Variants in NDST3 observed in about 807,000 individuals in gnomAD.
NDST3 encodes the protein N-deacetylase and N-sulfotransferase 3, also known as bifunctional heparan sulfate N-deacetylase/N-sulfotransferase 3.
Under a neutral mutation model 96.1 loss-of-function variants are expected in NDST3, and 58 were observed. That is an observed-to-expected ratio of 0.60 (90% CI 0.49 to 0.75). The LOEUF is 0.75. Among genes scored for constraint, NDST3 ranks in the 30% least tolerant of loss-of-function variants. The pLI, the probability that NDST3 is intolerant of heterozygous loss-of-function variation, is 0.00. For synonymous variants in NDST3, 333 were observed against 359.7 expected, an observed-to-expected ratio of 0.93 and a Z score of 0.84; for missense variants, 788 against 1,034.2, an observed-to-expected ratio of 0.76 and a Z score of 3.27.
chr4:118,134,500 A>G (rs1732911595), intron 4 of NDST3, among the ~76,000 whole-genome samples: 1 of 152,220 alleles, frequency 6.6e-6, no homozygotes, highest in Non-Finnish European at 1.5e-5. Flanking sequence ...GGTGATGATA[A>G]TGATAGAATT....
intron 2 of NDST3, among the ~76,000 whole-genome samples, chr4:118,060,283 T>A (rs771969468): frequency 6.6e-6 from 1 of 152,152 alleles, no homozygotes; most frequent in Non-Finnish European, 1.5e-5. Context: ...GAAATTGTAT[T>A]TTAATATGTT....
intron 6 of NDST3, among the ~76,000 whole-genome samples, chr4:118,191,805 G>A (rs1043423765): frequency 6.6e-6 from 1 of 152,190 alleles, no homozygotes; most frequent in Admixed American, 6.5e-5. Flanking sequence ...TAGTTTGATA[G>A]TAGGATTGCT....
chr4:118,251,668 A>G (rs1385861045), intron 12 of NDST3, among the ~76,000 whole-genome samples: 1 of 152,194 alleles, frequency 6.6e-6, no homozygotes, highest in Non-Finnish European at 1.5e-5. Flanking sequence ...ACTGATGCCA[A>G]CACCATACAA....
At chr4:118,199,290 G>A (rs1737910769) in intron 6 of NDST3, among the ~76,000 whole-genome samples, 1 of 152,086 alleles carries the variant, frequency 6.6e-6, no homozygotes, top group Non-Finnish European at 1.5e-5. Flanking sequence ...CAAATAGCCT[G>A]TTTTCAAGCT....
At chr4:118,124,972 C>T (rs1731922623) in intron 4 of NDST3, among the ~76,000 whole-genome samples, 1 of 152,040 alleles carries the variant, frequency 6.6e-6, no homozygotes, top group African/African-American at 2.4e-5. Context: ...GAGAGACTCA[C>T]CTAAACCTCA....
At chr4:118,078,725 G>C (rs1727780695) in intron 2 of NDST3, among the ~76,000 whole-genome samples, 1 of 142,554 alleles carries the variant, frequency 7.0e-6, no homozygotes, top group Admixed American at 7.4e-5. Context: ...CTCCAGCCTG[G>C]CCAACAGAGC....
chr4:118,126,175 T>C lies in NDST3; in HGVS notation c.1224+11215T>C, dbSNP rs144973337. ...TCAAATAATTATATAATTTTGACTATAATCATCCTGTTGTGCTATCAAATA... is the reference window on the plus strand; with the variant it reads ...TCAAATAATTATATAATTTTGACTACAATCATCCTGTTGTGCTATCAAATA... On this transcript the variant is annotated intron_variant, in intron 4 of 13. Transcript: ENST00000296499. Among the ~76,000 whole-genome samples the C allele has an allele frequency of 9.2e-5, 14 of 152,204 alleles. No individual in the cohort carries two copies. In the South Asian group the frequency reaches 1.2e-3, roughly 14 times the overall value.
intron 9 of NDST3, among the ~76,000 whole-genome samples, chr4:118,235,027 CA>C (rs796108780): frequency 1.2e-3 from 39 of 33,268 alleles, no homozygotes; most frequent in South Asian, 2.1e-3. Context: ...GAGACTCCAT[CA>C]AAAAAAAAAG....
At chr4:118,136,351 T>A (rs900503103) in intron 4 of NDST3, among the ~76,000 whole-genome samples, 6 of 152,234 alleles carry the variant, frequency 3.9e-5, no homozygotes, top group Non-Finnish European at 1.5e-5. Flanking sequence ...CATTTTTTAA[T>A]GTTTGTGATA....
At chr4:118,170,503 G>A (rs972452348) in intron 6 of NDST3, among the ~76,000 whole-genome samples, 12 of 152,176 alleles carry the variant, frequency 7.9e-5, no homozygotes, top group Non-Finnish European at 1.3e-4. Context: ...ACAGAGGTCG[G>A]CAGATCACGA....
intron 2 of NDST3, among the ~76,000 whole-genome samples, chr4:118,087,322 G>A (rs1728506118): frequency 6.6e-6 from 1 of 152,206 alleles, no homozygotes; most frequent in Admixed American, 6.5e-5. Flanking sequence ...CATCTCATTT[G>A]AGTTGGCTAC....
Position 118,066,439 on chromosome 4 carries a change from C to CATATATT in NDST3, c.981+11552_981+11553insATTATAT, listed in dbSNP as rs1726490525. ...ATGTTATATATTATATATCATATATCATATGTTATATATTATATATACATT... is the reference window on the plus strand; with the variant it reads ...ATGTTATATATTATATATCATATATCATATATTATATGTTATATATTATATATACATT... On this transcript the variant is annotated intron_variant, in intron 2 of 13. Transcript: ENST00000296499. Among the ~76,000 whole-genome samples, 2 of 1,272 alleles carry CATATATT rather than the reference C, an allele frequency of 1.6e-3. 1 individual carries two copies. Among genetic ancestry groups the CATATATT allele is most frequent in the Admixed American group, 0.11 (2 of 18 alleles). The allele number at this position is 1,272 out of a possible 152,430, so 0.8% of individuals were successfully genotyped here.
chr4:118,151,537 G>C (rs1323331488), intron 6 of NDST3, among the ~76,000 whole-genome samples: 1 of 152,048 alleles, frequency 6.6e-6, no homozygotes, highest in Non-Finnish European at 1.5e-5. Flanking sequence ...CTCTAGGATT[G>C]ACCTAGGGGC....
intron 6 of NDST3, among the ~76,000 whole-genome samples, chr4:118,169,793 C>CA (rs55684244): frequency 0.21 from 24,089 of 117,114 alleles, 2,234 homozygotes; most frequent in African/African-American, 0.25. Context: ...GACTCCATCT[C>CA]AAAAAAAAAA....
intron 12 of NDST3, among the ~76,000 whole-genome samples, chr4:118,251,361 C>T (rs557607316): frequency 2.6e-5 from 4 of 151,774 alleles, no homozygotes; most frequent in Non-Finnish European, 4.4e-5. Context: ...CTCCTGACCT[C>T]GTGATCCGCC....
chr4:118,133,300 G>A (rs1732788749), intron 4 of NDST3, among the ~76,000 whole-genome samples: 1 of 152,166 alleles, frequency 6.6e-6, no homozygotes, highest in African/African-American at 2.4e-5. Flanking sequence ...CCCTCCATGT[G>A]TGAGCAAAGC....
At chr4:118,048,150 T>C (rs1366467969) in intron 1 of NDST3, among the ~76,000 whole-genome samples, 1 of 152,132 alleles carries the variant, frequency 6.6e-6, no homozygotes, top group Non-Finnish European at 1.5e-5. Flanking sequence ...GAGAAACAGA[T>C]ATAAAATCCT....
Position 118,111,841 on chromosome 4 carries a change from T to G in NDST3, c.1070-2965T>G, listed in dbSNP as rs907949489. On this transcript the variant is annotated intron_variant, in intron 3 of 13. Coordinates refer to ENST00000296499, the MANE Select transcript of NDST3 (RefSeq NM_004784.3). ...AATATTTTAGTCACAGATTTCACTATGATATTCAGGAAAGGACAACAAATG... is the reference window on the plus strand; with the variant it reads ...AATATTTTAGTCACAGATTTCACTAGGATATTCAGGAAAGGACAACAAATG... 2.6e-5 allele frequency among the ~76,000 whole-genome samples: 4 copies of G among 151,300 alleles called. No homozygotes were observed. The East Asian group carries it at 7.9e-4, about 30-fold the overall frequency.
chr4:118,170,425 G>C (rs1398962224), intron 6 of NDST3, among the ~76,000 whole-genome samples: 2 of 152,172 alleles, frequency 1.3e-5, no homozygotes, highest in African/African-American at 4.8e-5. Flanking sequence ...AATAAAGAGA[G>C]AGACCGGGCA....
Sources: gnomAD v4.1 joint callset for allele counts (sites outside exome capture counted in the v4.1 genomes callset) on GRCh38, gnomAD v4.1.1 for gene constraint, MANE v1.5 for transcripts, NCBI Gene and HGNC (gene_info 2026-07-23, HGNC 2026-07-21) for gene names.